DNAH17: variants seen among roughly 807,000 people sequenced by gnomAD.
DNAH17 encodes the protein dynein axonemal heavy chain 17.
A neutral mutation model predicts 485.6 loss-of-function variants in DNAH17; 376 were observed. The observed-to-expected ratio is 0.77, with a 90% CI of 0.71 to 0.84. The LOEUF (loss-of-function observed/expected upper bound fraction) is 0.84, where lower values mean the gene tolerates loss of function less well. Ranked by LOEUF, DNAH17 falls within the 40% of genes least tolerant of loss-of-function variation. The probability of loss-of-function intolerance (pLI) is 0.00; values close to 1 mark genes in which losing one functional copy is unlikely to be tolerated. For missense variants in DNAH17, 6,370 were observed against 5,839.3 expected (o/e 1.09, Z -2.96); for synonymous variants, 3,031 against 2,405.9 (o/e 1.26, Z -7.60).
rs770649432 is a variant in DNAH17, at chr17:78,507,559, T to A, written c.4483A>T (p.Thr1495Ser). ...VISIWFEVQR[T>S]WSHLESIFIG... Reference sequence around the variant, plus strand: ...AAGATGCTCTCCAGGTGGCTCCAGGTTCGCTGGACCTCAAACCAGATGGAG... The same window carrying A: ...AAGATGCTCTCCAGGTGGCTCCAGGATCGCTGGACCTCAAACCAGATGGAG... The change falls in exon 28 of 81, where the codon ACC becomes TCC. Residue 1495 changes from threonine to serine, a missense_variant. Coordinates refer to ENST00000389840, the MANE Select transcript of DNAH17 (RefSeq NM_173628.4). 6.2e-7 allele frequency: 1 copy of A among 1,614,068 alleles called. No individual in the cohort carries two copies. The highest frequency in any genetic ancestry group is 8.5e-7 in the Non-Finnish European group (1 of 1,179,910).
At chr17:78,426,282 C>T (rs1471084190) in intron 79 of DNAH17, among the ~76,000 whole-genome samples, 175 bp downstream of exon 79, 1 of 152,206 alleles carries the variant, frequency 6.6e-6, no homozygotes, top group Non-Finnish European at 1.5e-5. Flanking sequence ...AATGGCTGCA[C>T]TGTCAGGGTG....
chr17:78,528,603 C>A (rs573364629), intron 22 of DNAH17, among the ~76,000 whole-genome samples: 2 of 151,868 alleles, frequency 1.3e-5, no homozygotes, highest in East Asian at 3.9e-4. Flanking sequence ...GAGGGGTGGA[C>A]GGGCTGGGAG....
intron 62 of DNAH17, among the ~76,000 whole-genome samples, chr17:78,457,065 G>T (rs952620303): frequency 6.6e-6 from 1 of 152,238 alleles, no homozygotes. Context: ...TCTGAGATGT[G>T]CTCTGTGTTA....
chr17:78,484,203 G>T (rs1427156053), intron 48 of DNAH17, among the ~76,000 whole-genome samples: 1 of 151,092 alleles, frequency 6.6e-6, no homozygotes, highest in Non-Finnish European at 1.5e-5. Context: ...GTGCCGTTAG[G>T]AGAAAATCTG....
At chr17:78,479,147 A>T in intron 50 of DNAH17, 31 bp from the exon 51 acceptor site, 1 of 1,606,186 alleles carries the variant, frequency 6.2e-7, no homozygotes, top group Non-Finnish European at 8.5e-7. Context: ...GTCAATTCTC[A>T]TGTACTCTTG....
At chr17:78,487,487 G>A (rs1231710509) in intron 44 of DNAH17, among the ~76,000 whole-genome samples, 2 of 152,196 alleles carry the variant, frequency 1.3e-5, no homozygotes, top group African/African-American at 4.8e-5. Flanking sequence ...AACACACACA[G>A]CCAGCCTGCC....
At chr17:78,573,012 G>A (rs2092382737) in intron 2 of DNAH17, 118 bp from the exon 3 acceptor site, 1 of 883,400 alleles carries the variant, frequency 1.1e-6, no homozygotes, top group Non-Finnish European at 1.7e-6. Context: ...GGGAAAACTG[G>A]GTCCCGCACA....
chr17:78,473,543 C>CAAAAAAAAAA (rs758795883), intron 54 of DNAH17, among the ~76,000 whole-genome samples: 1 of 55,436 alleles, frequency 1.8e-5, no homozygotes. Context: ...GACTCTGTCT[C>CAAAAAAAAAA]AAAAAAAAAA....
In DNAH17 at chr17:78,502,981, G is replaced by A; in HGVS notation, c.4987C>T (p.Arg1663Ter). ...VEVWLNRVLD[R>*]MCSTLRHEIP... ...TCGTGCCGGAGGGTAGAGCACATTC[G>A]GTCCAGCACTCGATTCAGCCACACT... Residue 1663 changes from arginine to a stop codon, truncating the protein, a stop_gained, in exon 32 of 81, where the codon CGA becomes TGA. Coordinates refer to ENST00000389840, the MANE Select transcript of DNAH17 (RefSeq NM_173628.4). LOFTEE classifies it high-confidence loss of function. 3.1e-6 allele frequency: 5 copies of A among 1,613,816 alleles called. No individual in the cohort carries two copies. Among genetic ancestry groups the A allele is most frequent in the South Asian group, 1.1e-5 (1 of 91,060 alleles).
At chr17:78,472,310 G>A (rs2088796646) in intron 54 of DNAH17, among the ~76,000 whole-genome samples, 1 of 148,542 alleles carries the variant, frequency 6.7e-6, no homozygotes, top group Non-Finnish European at 1.5e-5. Flanking sequence ...GGGGGTGCGA[G>A]GGTTAGGGTT....
rs751486272 is a variant in DNAH17, at chr17:78,479,046, C to A, written c.7971G>T (p.Arg2657Ser). The change falls in exon 51 of 81, where the codon AGG becomes AGT. Residue 2657 changes from arginine (R) to serine (S), a missense_variant. Coordinates refer to ENST00000389840, the MANE Select transcript of DNAH17 (RefSeq NM_173628.4). ...GTACCTGGAAAATATTGGAGAGGTC[C>A]CTGAGGTTGAAGACATAATGAAACT... ...AIKFHYVFNL[R>S]DLSNIFQGLL... 1 of 1,613,868 alleles carries A rather than the reference C, an allele frequency of 6.2e-7. No homozygotes were observed. Among genetic ancestry groups the A allele is most frequent in the Non-Finnish European group, 8.5e-7 (1 of 1,179,848 alleles).
At position 78,439,220 on chromosome 17, in the gene DNAH17, A is replaced by G; in HGVS notation, c.11678-3T>C. On this transcript the variant is annotated splice_polypyrimidine_tract_variant and splice_region_variant and intron_variant, in intron 72 of 80. Coordinates refer to ENST00000389840, the MANE Select transcript of DNAH17 (RefSeq NM_173628.4). ...TATGGTAAACCCTAGTTTTTTTCCT[A>G]AAGAAAAGAAAAACAGGAAAAAAAC... 1 of 1,596,494 alleles carries G rather than the reference A, an allele frequency of 6.3e-7. No individual in the cohort carries two copies. Among genetic ancestry groups the G allele is most frequent in the Non-Finnish European group, 8.5e-7 (1 of 1,171,632 alleles).
rs1033553098 is a variant in DNAH17, at chr17:78,423,742, A to G, written c.*164T>C. On this transcript the variant is annotated 3_prime_UTR_variant, in exon 81 of 81. Transcript: ENST00000389840. The stretch of plus-strand genomic sequence containing the variant: ...AATCTGCCCCACCTCTTCCACACCA[A>G]CCTCCACCCTCTGGTTCCGATGTGC... The G allele has an allele frequency of 4.7e-5, 43 of 914,274 alleles. No homozygotes were observed. The highest frequency in any genetic ancestry group is 6.4e-5 in the Non-Finnish European group (39 of 605,728). The allele number at this position is 914,274 out of a possible 1,614,324, so 56.6% of individuals were successfully genotyped here.
intron 19 of DNAH17, among the ~76,000 whole-genome samples, chr17:78,534,644 C>T (rs764205691): frequency 1.3e-5 from 2 of 152,234 alleles, no homozygotes; most frequent in Non-Finnish European, 2.9e-5. Context: ...CTACCTGCTC[C>T]AGCTGAGATT....
chr17:78,429,343 C>G lies in DNAH17; in HGVS notation c.12226-43G>C, dbSNP rs750954234. 3.8e-6 allele frequency: 6 copies of G among 1,588,766 alleles called. No individual in the cohort carries two copies. In the Admixed American group the frequency reaches 8.6e-5, roughly 23 times the overall value. On this transcript the variant is annotated intron_variant, in intron 75 of 80. Coordinates refer to ENST00000389840, the MANE Select transcript of DNAH17 (RefSeq NM_173628.4). ...CGGGTAGGGGAAAGTGCCCCTGTGC[C>G]CCTTCTCTGCCATGAGAGGGTCAGG...
Position 78,485,958 on chromosome 17 carries a change from A to C in DNAH17, c.7275+2T>G. 1 of 1,611,390 alleles carries C rather than the reference A, an allele frequency of 6.2e-7. No homozygotes were observed. Among genetic ancestry groups the C allele is most frequent in the Non-Finnish European group, 8.5e-7 (1 of 1,179,502 alleles). ...CGGTGGCCCTGCTTTGGGGACAGTT[A>C]CCTGCAGTGGGACATCGGGATCCAG... On this transcript the variant is annotated splice_donor_variant, in intron 46 of 80. Coordinates refer to ENST00000389840, the MANE Select transcript of DNAH17 (RefSeq NM_173628.4). LOFTEE classifies it high-confidence loss of function.
chr17:78,454,819 G>A (rs182222213), intron 63 of DNAH17, 114 bp from the exon 64 acceptor site: 57 of 867,482 alleles, frequency 6.6e-5, no homozygotes, highest in Middle Eastern at 4.6e-4. Flanking sequence ...GGACCAGCAG[G>A]ACGACCTGGG....
chr17:78,451,641 T>C lies in DNAH17; in HGVS notation c.10562A>G (p.Tyr3521Cys). ...YIKIGDKEVE[Y>C]HPKFRLILHT... ...TAGGATCAGGCGGAACTTGGGGTGGTACTCCACCTCCTTGTCACCGATCTT... is the reference window on the plus strand; with the variant it reads ...TAGGATCAGGCGGAACTTGGGGTGGCACTCCACCTCCTTGTCACCGATCTT... Residue 3521 changes from tyrosine (Y) to cysteine (C), a missense_variant, in exon 66 of 81, where the codon TAC becomes TGC. Tyr to Cys is a radical substitution (Grantham distance 194). Transcript: ENST00000389840. 1 of 1,590,402 alleles carries C rather than the reference T, an allele frequency of 6.3e-7. No homozygotes were observed. Among genetic ancestry groups the C allele is most frequent in the African/African-American group, 1.4e-5 (1 of 73,902 alleles).
chr17:78,561,999 G>C lies in DNAH17; in HGVS notation c.1570-19C>G. The C allele has an allele frequency of 6.4e-7, 1 of 1,555,626 alleles. No homozygotes were observed. The highest frequency in any genetic ancestry group is 8.7e-7 in the Non-Finnish European group (1 of 1,152,014). The stretch of plus-strand genomic sequence containing the variant: ...ACAGGAGCTGAGGACAAAGGAGAAG[G>C]GGGCCTCTTCACCACAGTCTCCTCC... On this transcript the variant is annotated intron_variant, in intron 11 of 80. Transcript: ENST00000389840.
Sources: gnomAD v4.1 joint callset for allele counts (sites outside exome capture counted in the v4.1 genomes callset) on GRCh38, gnomAD v4.1.1 for gene constraint, MANE v1.5 for transcripts, NCBI Gene and HGNC (gene_info 2026-07-23, HGNC 2026-07-21) for gene names.